The following PSMC1 variants were observed in gnomAD, a reference collection of about 807,000 sequenced individuals.
PSMC1 encodes proteasome 26S subunit, ATPase 1.
A neutral mutation model predicts 49.8 loss-of-function variants in PSMC1; 5 were observed. The observed-to-expected ratio is 0.10, with a 90% CI of 0.05 to 0.21. PSMC1 has a LOEUF of 0.21. PSMC1 is among the 10% of genes least tolerant of loss of function. The pLI, the probability that PSMC1 is intolerant of heterozygous loss-of-function variation, is 1.00. For synonymous variants in PSMC1, 155 were observed against 192.1 expected (o/e 0.81, Z 1.60); for missense variants, 181 against 535.7 (o/e 0.34, Z 6.54).
At chr14:90,269,789 CCT>C (rs1195389779) in intron 9 of PSMC1, 5 of 430,760 alleles carry the variant, frequency 1.2e-5, no homozygotes, top group Non-Finnish European at 2.0e-5. Flanking sequence ...CATAACATTC[CCT>C]TTTTAGCCTC....
chr14:90,260,526 T>C (rs1265625021), intron 3 of PSMC1, among the ~76,000 whole-genome samples: 1 of 152,184 alleles, frequency 6.6e-6, no homozygotes, highest in Non-Finnish European at 1.5e-5. Context: ...GGTCAGGAGA[T>C]TGAGACCATC....
intron 6 of PSMC1, 131 bp from the exon 7 acceptor site, chr14:90,264,939 G>A (rs1595042772): frequency 1.4e-6 from 1 of 721,374 alleles, no homozygotes; most frequent in East Asian, 2.6e-5. Context: ...TAGAAATCAA[G>A]CACATTGTCT....
chr14:90,265,646 G>A (rs1020434802), intron 7 of PSMC1, among the ~76,000 whole-genome samples: 5 of 146,294 alleles, frequency 3.4e-5, no homozygotes, highest in African/African-American at 1.0e-4. Flanking sequence ...CGGAGACAGC[G>A]CCACTGCACT....
chr14:90,262,644 C>T (rs184987289), intron 3 of PSMC1, among the ~76,000 whole-genome samples: 176 of 152,136 alleles, frequency 1.2e-3, no homozygotes, highest in African/African-American at 4.0e-3. Context: ...GTTAGCTGGG[C>T]GTGGTGGCAC....
At position 90,273,864 on chromosome 14, in the gene PSMC1, T is replaced by TC. The variant is rs373243301; in HGVS notation, c.*1460dup. 11 of 154,960 alleles carry TC rather than the reference T, an allele frequency of 7.1e-5. No individual in the cohort carries two copies. Among genetic ancestry groups the TC allele is most frequent in the African/African-American group, 2.6e-4 (11 of 41,512 alleles). 9.6% of individuals were successfully genotyped at this position (154,960 alleles called of 1,614,324 possible). A position where few individuals can be genotyped will look rare whatever the true frequency, so the allele number is the denominator to read the frequency against. Reference sequence around the variant, plus strand: ...TTTCCACCAGCAGCAGCAGGCCCAGTCCCTCTCTCCCACCGACCCTTCTTT... The same window carrying TC: ...TTTCCACCAGCAGCAGCAGGCCCAGTCCCCTCTCTCCCACCGACCCTTCTTT... On this transcript the variant is annotated 3_prime_UTR_variant, in exon 11 of 11. Transcript: ENST00000261303.
rs1891296187 is a variant in PSMC1 at position 90,256,566 on chromosome 14, C to T, written c.-32C>T. 3 of 1,581,922 alleles carry T rather than the reference C, an allele frequency of 1.9e-6. No homozygotes were observed. The highest frequency in any genetic ancestry group is 1.2e-5 in the South Asian group (1 of 86,324). ...GCGGGCCGCAGTGGTGGAGGAACTT[C>T]CGGCAGCGGCAGCTCAAGTGGCCAA... On this transcript the variant is annotated 5_prime_UTR_variant, in exon 1 of 11. Coordinates refer to ENST00000261303, the MANE Select transcript of PSMC1 (RefSeq NM_002802.3).
At chr14:90,257,981 C>T (rs1342077610) in intron 1 of PSMC1, among the ~76,000 whole-genome samples, 1 of 152,204 alleles carries the variant, frequency 6.6e-6, no homozygotes, top group African/African-American at 2.4e-5. Flanking sequence ...ACAGTTCCCT[C>T]GAGGTAATTA....
chr14:90,270,415 T>G, intron 10 of PSMC1, 63 bp downstream of exon 10: 1 of 1,539,292 alleles, frequency 6.5e-7, no homozygotes, highest in Admixed American at 1.9e-5. Flanking sequence ...AAAGAGTCTA[T>G]ATGTGCTCTT....
intron 7 of PSMC1, among the ~76,000 whole-genome samples, chr14:90,266,210 G>C (rs943989): frequency 6.6e-6 from 1 of 151,444 alleles, no homozygotes; most frequent in African/African-American, 2.4e-5. Flanking sequence ...AGCTGAGATC[G>C]TGCCACTGCA....
chr14:90,270,096 C>T (rs559934101), intron 9 of PSMC1, 102 bp from the exon 10 acceptor site: 37 of 1,240,032 alleles, frequency 3.0e-5, no homozygotes, highest in African/African-American at 6.1e-5. Context: ...GAATTCTGTC[C>T]GACTGAAACT....
chr14:90,259,632 G>GTTA (rs71902279), intron 2 of PSMC1, among the ~76,000 whole-genome samples: 8 of 151,108 alleles, frequency 5.3e-5, no homozygotes, highest in Non-Finnish European at 1.2e-4. Flanking sequence ...ATTTTCATTT[G>GTTA]TTATTATTAT....
In PSMC1 at chr14:90,268,729, C is replaced by G. The variant is rs1355016027; in HGVS notation, c.881+316C>G. 1.9e-5 allele frequency: 5 copies of G among 256,570 alleles called. No individual in the cohort carries two copies. In the Admixed American group the frequency reaches 2.5e-4, roughly 13 times the overall value. 15.9% of individuals were successfully genotyped at this position (256,570 alleles called of 1,614,324 possible). Reference sequence around the variant, plus strand: ...GGAGGAGCTCACAGGTTGTAGGGATCAGATACCAAACATGGAAACAGAATA... The same window carrying G: ...GGAGGAGCTCACAGGTTGTAGGGATGAGATACCAAACATGGAAACAGAATA... On this transcript the variant is annotated intron_variant, in intron 8 of 10. Transcript: ENST00000261303.
chr14:90,269,809 T>G (rs1041454112), intron 9 of PSMC1: 1 of 416,842 alleles, frequency 2.4e-6, no homozygotes, highest in African/African-American at 2.0e-5. Context: ...CTCAAGAACT[T>G]GCTGCTTTTT....
At chr14:90,271,539 T>A (rs531580336) in intron 10 of PSMC1, 80 of 152,364 alleles carry the variant, frequency 5.3e-4, no homozygotes, top group African/African-American at 1.9e-3. Flanking sequence ...TACTGCCACT[T>A]ACAGTATCTA....
In PSMC1 at chr14:90,272,659, C is replaced by G. The variant is rs1423996272; in HGVS notation, c.*252C>G. The G allele has an allele frequency of 2.1e-5, 7 of 327,510 alleles. No individual in the cohort carries two copies. The highest frequency in any genetic ancestry group is 4.1e-5 in the Non-Finnish European group (7 of 169,414). The allele number at this position is 327,510 out of a possible 1,614,324, so 20.3% of individuals were successfully genotyped here. A position where few individuals can be genotyped will look rare whatever the true frequency, so the allele number is the denominator to read the frequency against. On this transcript the variant is annotated 3_prime_UTR_variant, in exon 11 of 11. Coordinates refer to ENST00000261303, the MANE Select transcript of PSMC1 (RefSeq NM_002802.3). The surrounding 1 kb of genome is among the most constrained non-coding windows in gnomAD (Gnocchi z 4.5). ...TTCTGCAGTCTCCACACACACCTAC[C>G]GCTCAACAGCAGCCTGTGGGTGGAC... is the stretch of plus-strand genomic sequence containing the variant.
intron 1 of PSMC1, among the ~76,000 whole-genome samples, chr14:90,258,237 G>A (rs1595038495): frequency 6.6e-6 from 1 of 152,192 alleles, no homozygotes. Flanking sequence ...CAGTGTCATC[G>A]TGTTTGTAAG....
intron 9 of PSMC1, chr14:90,269,870 G>A (rs535067490): frequency 6.9e-5 from 26 of 374,724 alleles, no homozygotes; most frequent in Non-Finnish European, 1.2e-4. Flanking sequence ...TTACATTCAG[G>A]TAGCATCAGA....
rs1291081927 is a variant in PSMC1, at chr14:90,270,226, C to T, written c.1062C>T (p.Pro354=). 6.2e-7 allele frequency: 1 copy of T among 1,613,608 alleles called. No homozygotes were observed. The highest frequency in any genetic ancestry group is 1.7e-5 in the Admixed American group (1 of 59,970). Residue 354 remains proline (P), a synonymous_variant, in exon 10 of 11, where the codon CCC becomes CCT. Transcript: ENST00000261303. The part of the protein sequence containing the change: ...PGRIDRKIEF[P]LPDEKTKKRI... The stretch of plus-strand genomic sequence containing the variant: ...GCATTGACAGGAAGATTGAGTTCCC[C>T]CTGCCTGATGAAAAGACGAAGAAGC...
At chr14:90,263,877 A>G in intron 5 of PSMC1, 30 bp downstream of exon 5, 1 of 1,611,930 alleles carries the variant, frequency 6.2e-7, no homozygotes, top group Non-Finnish European at 8.5e-7. Context: ...CAGAAAGCCC[A>G]CGGAAGTGCT....
Sources: gnomAD v4.1 joint callset for allele counts (sites outside exome capture counted in the v4.1 genomes callset) on GRCh38, gnomAD v4.1.1 for gene constraint, Gnocchi (gnomAD v3.1) non-coding constraint, MANE v1.5 for transcripts, NCBI Gene and HGNC (gene_info 2026-07-23, HGNC 2026-07-21) for gene names.